ATRNL1: variants seen among roughly 807,000 people sequenced by gnomAD.
ATRNL1 encodes the protein attractin like 1, also known as attractin-like protein 1.
Under a neutral mutation model 182.7 loss-of-function variants are expected in ATRNL1, and 95 were observed. The ratio of observed to expected loss-of-function variants is 0.52; its 90% CI spans 0.44 to 0.62. The LOEUF (loss-of-function observed/expected upper bound fraction) is 0.62. Ranked by LOEUF, ATRNL1 falls within the 20% of genes least tolerant of loss-of-function variation. The pLI, the probability that ATRNL1 is intolerant of heterozygous loss-of-function variation, is 0.00. For missense variants in ATRNL1, 1,471 were observed against 1,679.5 expected (o/e 0.88, Z 2.17); for synonymous variants, 576 against 568.3 (o/e 1.01, Z -0.19).
chr10:115,744,943 G>C (rs1948247166), intron 27 of ATRNL1, among the ~76,000 whole-genome samples: 1 of 151,932 alleles, frequency 6.6e-6, no homozygotes, highest in Non-Finnish European at 1.5e-5. Flanking sequence ...CAAATAAGAA[G>C]CCTCATTCAT....
intron 27 of ATRNL1, among the ~76,000 whole-genome samples, chr10:115,815,844 A>G (rs1950152233): frequency 6.6e-6 from 1 of 152,160 alleles, no homozygotes; most frequent in Non-Finnish European, 1.5e-5. Context: ...TTATCTTCTC[A>G]GTGATTTCCT....
chr10:115,524,794 C>T (rs2133719026), intron 25 of ATRNL1, among the ~76,000 whole-genome samples: 1 of 152,198 alleles, frequency 6.6e-6, no homozygotes, highest in South Asian at 2.1e-4. Flanking sequence ...AGAATTTAGT[C>T]AGAATTTGTT....
At chr10:115,532,658 C>T (rs1446955019) in intron 25 of ATRNL1, among the ~76,000 whole-genome samples, 5 of 150,346 alleles carry the variant, frequency 3.3e-5, no homozygotes, top group Non-Finnish European at 5.9e-5. Context: ...ACTTCCAACA[C>T]TATGTTGAAT....
At position 115,125,939 on chromosome 10, in the gene ATRNL1, A is replaced by AT. The variant is rs1844952553; in HGVS notation, c.492-1650dup. ...TTTTTTTGTTTTTATATAATTTGTCATTTTACTAGATTTCAGTTGGTCCGA... is the reference window on the plus strand; with the variant it reads ...TTTTTTTGTTTTTATATAATTTGTCATTTTTACTAGATTTCAGTTGGTCCGA... On this transcript the variant is annotated intron_variant, in intron 3 of 28. Transcript: ENST00000355044. 2.0e-5 allele frequency among the ~76,000 whole-genome samples: 3 copies of AT among 152,190 alleles called. No individual in the cohort carries two copies. The South Asian group carries it at 6.2e-4, about 32-fold the overall frequency.
At chr10:115,459,588 C>T (rs1847695261) in intron 21 of ATRNL1, among the ~76,000 whole-genome samples, 1 of 152,164 alleles carries the variant, frequency 6.6e-6, no homozygotes, top group Non-Finnish European at 1.5e-5. Context: ...CTCACCCTGT[C>T]TCCTGATAAG....
intron 24 of ATRNL1, among the ~76,000 whole-genome samples, chr10:115,513,506 C>T (rs922113814): frequency 6.6e-5 from 10 of 152,024 alleles, no homozygotes; most frequent in Admixed American, 2.0e-4. Flanking sequence ...TTAACTGATA[C>T]ATCCAAGTAC....
At chr10:115,165,077 T>G (rs986845659) in intron 6 of ATRNL1, among the ~76,000 whole-genome samples, 28 of 152,150 alleles carry the variant, frequency 1.8e-4, no homozygotes, top group African/African-American at 6.7e-4. Flanking sequence ...CAAAATACCA[T>G]GTGTATACCA....
chr10:115,383,117 T>C lies in ATRNL1; in HGVS notation c.3176-11542T>C, dbSNP rs1858120528. Among the ~76,000 whole-genome samples, 2 of 72,028 alleles carry C rather than the reference T, an allele frequency of 2.8e-5. 1 individual carries two copies. The highest frequency in any genetic ancestry group is 8.4e-4 in the South Asian group (2 of 2,384). 47.3% of individuals were successfully genotyped at this position (72,028 alleles called of 152,430 possible). Reference sequence around the variant, plus strand: ...ATTCGGTTATTTTTGTTTGTTTTTCTTTTTTTTTTTCTCTCTCTACTGGTC... The same window carrying C: ...ATTCGGTTATTTTTGTTTGTTTTTCCTTTTTTTTTTCTCTCTCTACTGGTC... On this transcript the variant is annotated intron_variant, in intron 19 of 28. Coordinates refer to ENST00000355044, the MANE Select transcript of ATRNL1 (RefSeq NM_207303.4).
At chr10:115,499,786 A>C (rs1592746251) in intron 24 of ATRNL1, among the ~76,000 whole-genome samples, 1 of 152,340 alleles carries the variant, frequency 6.6e-6, no homozygotes, top group East Asian at 1.9e-4. Context: ...ACGTTGAATG[A>C]ACTGGGAGGC....
chr10:115,480,397 T>C (rs1848713843), intron 24 of ATRNL1, among the ~76,000 whole-genome samples: 1 of 151,354 alleles, frequency 6.6e-6, no homozygotes, highest in African/African-American at 2.4e-5. Flanking sequence ...GTGGTTCTTG[T>C]CTTTTAAATT....
intron 26 of ATRNL1, chr10:115,598,009 C>T (rs1046864407): frequency 6.3e-6 from 1 of 159,202 alleles, no homozygotes; most frequent in Non-Finnish European, 1.4e-5. Context: ...AGGTATTTAG[C>T]TGCTATTGAA....
intron 26 of ATRNL1, among the ~76,000 whole-genome samples, chr10:115,645,587 T>A (rs961911279): frequency 5.9e-5 from 9 of 151,582 alleles, no homozygotes; most frequent in Non-Finnish European, 1.3e-4. Flanking sequence ...TTCCAAGAAT[T>A]TTGTCATTTA....
At chr10:115,677,079 T>A (rs1945886526) in intron 26 of ATRNL1, among the ~76,000 whole-genome samples, 1 of 152,076 alleles carries the variant, frequency 6.6e-6, no homozygotes, top group African/African-American at 2.4e-5. Context: ...ATGTCTTACA[T>A]ATAGTACACA....
intron 26 of ATRNL1, among the ~76,000 whole-genome samples, chr10:115,569,335 A>G (rs1555002773): frequency 6.6e-6 from 1 of 152,030 alleles, no homozygotes; most frequent in Non-Finnish European, 1.5e-5. Flanking sequence ...TACATTGTTC[A>G]TTTTGTATGT....
At chr10:115,434,196 TTATAGA>T (rs1846296712) in intron 21 of ATRNL1, among the ~76,000 whole-genome samples, 1 of 152,220 alleles carries the variant, frequency 6.6e-6, no homozygotes, top group African/African-American at 2.4e-5. Context: ...AATGTTTTTC[TTATAGA>T]TATATAGCTC....
At chr10:115,123,540 A>C (rs1294800021) in intron 3 of ATRNL1, among the ~76,000 whole-genome samples, 2 of 152,218 alleles carry the variant, frequency 1.3e-5, no homozygotes, top group African/African-American at 4.8e-5. Flanking sequence ...TCACAGGCTT[A>C]GAGTACATAG....
rs898160328 is a variant in ATRNL1, at chr10:115,546,319, C to T, written c.3717-3139C>T. Among the ~76,000 whole-genome samples the T allele has an allele frequency of 2.6e-5, 4 of 151,972 alleles. No individual in the cohort carries two copies. The East Asian group carries it at 7.7e-4, about 29-fold the overall frequency. ...GTGGCTCACACCTGTAATCCCAGCA[C>T]TTTGGGAGGCTGAGGAGGGCAGATC... On this transcript the variant is annotated intron_variant, in intron 25 of 28. Transcript: ENST00000355044.
rs782276896 is a variant in ATRNL1 at position 115,300,289 on chromosome 10, T to C, written c.2629+42T>C. 5.3e-6 allele frequency: 8 copies of C among 1,507,862 alleles called. No individual in the cohort carries two copies. In the East Asian group the frequency reaches 1.8e-4, roughly 34 times the overall value. The allele number at this position is 1,507,862 out of a possible 1,614,324, so 93.4% of individuals were successfully genotyped here. A position where few individuals can be genotyped will look rare whatever the true frequency, so the allele number is the denominator to read the frequency against. ...ATTAGCATTCCTTTAAAAGTATGTT[T>C]CCCACCCATCTTCTCATTCCTTCCT... On this transcript the variant is annotated intron_variant, in intron 16 of 28. Transcript: ENST00000355044.
chr10:115,510,736 A>G (rs1359093948), intron 24 of ATRNL1, among the ~76,000 whole-genome samples: 1 of 152,024 alleles, frequency 6.6e-6, no homozygotes, highest in Non-Finnish European at 1.5e-5. Context: ...ATTTGACTGC[A>G]GTGTTAATGC....
Sources: gnomAD v4.1 joint callset for allele counts (sites outside exome capture counted in the v4.1 genomes callset) on GRCh38, gnomAD v4.1.1 for gene constraint, MANE v1.5 for transcripts, NCBI Gene and HGNC (gene_info 2026-07-23, HGNC 2026-07-21) for gene names.